Variants in ABHD16A observed in about 807,000 individuals in gnomAD.
ABHD16A encodes the protein abhydrolase domain containing 16A, phospholipase.
A neutral mutation model predicts 89.8 loss-of-function variants in ABHD16A; 47 were observed. The observed-to-expected ratio is 0.52, with a 90% CI of 0.41 to 0.67. ABHD16A has a LOEUF of 0.67. Among genes scored for constraint, ABHD16A ranks in the 30% least tolerant of loss-of-function variants. The pLI is 0.00. For missense variants in ABHD16A, 580 were observed against 734.6 expected (o/e 0.79, Z 2.43); for synonymous variants, 251 against 280.4 (o/e 0.90, Z 1.05).
At chr6:31,689,924 C>A (rs760294) in intron 11 of ABHD16A, among the ~76,000 whole-genome samples, 154 bp downstream of exon 11, 14,333 of 152,258 alleles carry the variant, frequency 0.094, 882 homozygotes, top group Admixed American at 0.17. Context: ...GGGGGCATGG[C>A]TCCCAATGCT....
chr6:31,690,546 G>A lies in ABHD16A; in HGVS notation c.900C>T (p.Pro300=), dbSNP rs143395858. The change falls in exon 10 of 20, where the codon CCC becomes CCT. Residue 300 remains proline (P), a synonymous_variant. Transcript: ENST00000395952. The surrounding 1 kb of genome is among the most constrained non-coding windows in gnomAD (Gnocchi z 4.1). ...GCTGAGTCACCGTCCTACCTTCCAG[G>A]GGCGTGGAGACGCAGCCCACCTCAT... ...GFYEVGCVST[P]LEAGYSVLGW... is the part of the protein sequence containing the mutation. 1,797 of 1,612,970 alleles carry A rather than the reference G, an allele frequency of 1.1e-3. 64 individuals carry two copies. In the East Asian group the frequency reaches 0.04, roughly 36 times the overall value.
intron 1 of ABHD16A, among the ~76,000 whole-genome samples, chr6:31,702,384 CT>C (rs1805101414): frequency 6.6e-6 from 1 of 152,174 alleles, no homozygotes; most frequent in African/African-American, 2.4e-5. Context: ...ATTTTTGCTC[CT>C]TTTCCACAGC....
In ABHD16A at chr6:31,703,230, G is replaced by C. The variant is rs758243965; in HGVS notation, c.52C>G (p.Arg18Gly). 3 of 1,440,132 alleles carry C rather than the reference G, an allele frequency of 2.1e-6. No homozygotes were observed. Among genetic ancestry groups the C allele is most frequent in the Non-Finnish European group, 2.8e-6 (3 of 1,086,536 alleles). 89.2% of individuals were successfully genotyped at this position (1,440,132 alleles called of 1,614,324 possible). Reference sequence around the variant, plus strand: ...GGGGCCCTTTCAGAGTCCCTCTCCCGGTAGATTTTGTAGAGCCGGGGGCCT... The same window carrying C: ...GGGGCCCTTTCAGAGTCCCTCTCCCCGTAGATTTTGTAGAGCCGGGGGCCT... ...VLGPRLYKIY[R>G]ERDSERAPAS... The change falls in exon 1 of 20, where the codon CGG becomes GGG. Residue 18 changes from arginine (R) to glycine (G), a missense_variant. By Grantham distance (125) the Arg-to-Gly change is moderately radical. Coordinates refer to ENST00000395952, the MANE Select transcript of ABHD16A (RefSeq NM_021160.3).
chr6:31,691,670 C>T lies in ABHD16A; in HGVS notation c.752G>A (p.Arg251His), dbSNP rs1256621115. The change falls in exon 9 of 20, where the codon CGC (arginine) becomes CAC (histidine). Residue 251 changes from arginine (R) to histidine (H), a missense_variant. Around this residue, in one of 2 missense-constraint regions of ABHD16A, gnomAD observed 415 missense variants for 568.8 expected, o/e 0.73. Coordinates refer to ENST00000395952, the MANE Select transcript of ABHD16A (RefSeq NM_021160.3). ...ATCACAGGCCAGCAGCTTTGCCCGG[C>T]GCCCATTACACTGAGTACGGAAGAC... The part of the protein sequence containing the change: ...QARLVEECNG[R>H]RAKLLACDGN... The T allele has an allele frequency of 3.1e-6, 5 of 1,612,320 alleles. No individual in the cohort carries two copies. The highest frequency in any genetic ancestry group is 1.6e-4 in the Middle Eastern group (1 of 6,082).
At chr6:31,696,899 G>C in intron 5 of ABHD16A, 49 bp downstream of exon 5, 1 of 1,548,014 alleles carries the variant, frequency 6.5e-7, no homozygotes, top group Non-Finnish European at 8.9e-7. Flanking sequence ...GGACAACTGA[G>C]AAAGCTGCTA....
At chr6:31,701,627 GTC>G (rs754472603) in intron 2 of ABHD16A, among the ~76,000 whole-genome samples, 1 of 152,130 alleles carries the variant, frequency 6.6e-6, no homozygotes, top group Non-Finnish European at 1.5e-5. Context: ...TTTAAAGGCA[GTC>G]TCTCTGTCTA....
At chr6:31,694,027 C>T (rs1031123990) in intron 5 of ABHD16A, among the ~76,000 whole-genome samples, 3 of 151,540 alleles carry the variant, frequency 2.0e-5, no homozygotes, top group Non-Finnish European at 2.9e-5. Context: ...ATCCGAACCT[C>T]GGGCCACCCC....
chr6:31,697,107 G>A, intron 4 of ABHD16A, 74 bp from the exon 5 acceptor site: 2 of 1,369,870 alleles, frequency 1.5e-6, no homozygotes, highest in Non-Finnish European at 2.1e-6. Context: ...GAAAAGAATT[G>A]GAGATGGGCT....
At chr6:31,691,990 C>A in intron 7 of ABHD16A, 72 bp from the exon 8 acceptor site, 1 of 1,211,092 alleles carries the variant, frequency 8.3e-7, no homozygotes, top group Non-Finnish European at 1.1e-6. Context: ...CCATCCCAGC[C>A]CTAGCACTCA....
chr6:31,694,720 G>A (rs146078208), intron 5 of ABHD16A, among the ~76,000 whole-genome samples: 171 of 151,958 alleles, frequency 1.1e-3, no homozygotes, highest in Admixed American at 6.8e-3. Flanking sequence ...GACTATATTC[G>A]TCCCCCACCC....
At chr6:31,701,372 TAC>T (rs3830950) in intron 2 of ABHD16A, 32 bp from the exon 3 acceptor site, 506,748 of 1,360,988 alleles carry the variant, frequency 0.37, 82,908 homozygotes, top group African/African-American at 0.58. Context: ...AGGCAATCAA[TAC>T]ACACACACAC....
chr6:31,693,280 A>T lies in ABHD16A; in HGVS notation c.503+79T>A. The T allele has an allele frequency of 6.3e-7, 1 of 1,592,970 alleles. No homozygotes were observed. Among genetic ancestry groups the T allele is most frequent in the South Asian group, 1.1e-5 (1 of 90,246 alleles). Reference sequence around the variant, plus strand: ...GGCAGGCACTGTGACCTGAGAGGGCATGGAGGTGGGAGGGCAGAGCAGAGA... The same window carrying T: ...GGCAGGCACTGTGACCTGAGAGGGCTTGGAGGTGGGAGGGCAGAGCAGAGA... On this transcript the variant is annotated intron_variant, in intron 6 of 19. Transcript: ENST00000395952. This position sits in a 1 kb window ranked among gnomAD's most constrained non-coding sequence, Gnocchi z 5.0.
At position 31,690,181 on chromosome 6, in the gene ABHD16A, CAT is replaced by C; in HGVS notation, c.908-56_908-55del. 6.7e-7 allele frequency: 1 copy of C among 1,498,116 alleles called. No individual in the cohort carries two copies. Among genetic ancestry groups the C allele is most frequent in the Non-Finnish European group, 9.0e-7 (1 of 1,110,988 alleles). 92.8% of individuals were successfully genotyped at this position (1,498,116 alleles called of 1,614,324 possible). On this transcript the variant is annotated intron_variant, in intron 10 of 19. Coordinates refer to ENST00000395952, the MANE Select transcript of ABHD16A (RefSeq NM_021160.3). The surrounding 1 kb of genome is among the most constrained non-coding windows in gnomAD (Gnocchi z 4.1). ...ACCTTGTGGCCCACAGCCCTTTCTC[CAT>C]CCCTGGGGGAAGGAAGAGCAGAAGT...
chr6:31,701,025 T>C lies in ABHD16A; in HGVS notation c.260A>G (p.Tyr87Cys), dbSNP rs369726671. Reference protein sequence around the residue: ...FAFFYLYRKGYLSLSKVVPFS... With the variant: ...FAFFYLYRKGCLSLSKVVPFS... ...CGGCACCACTTTGGACAAACTCAAG[T>C]AACCTGGGAAGGGAGAGGGACAATG... The change falls in exon 4 of 20, where the codon TAC becomes TGC. Residue 87 changes from tyrosine (Y) to cysteine (C), a missense_variant. Physicochemically the swap from Tyr to Cys is radical, Grantham distance 194. Coordinates refer to ENST00000395952, the MANE Select transcript of ABHD16A (RefSeq NM_021160.3). 16 of 1,612,742 alleles carry C rather than the reference T, an allele frequency of 9.9e-6. No individual in the cohort carries two copies. Among genetic ancestry groups the C allele is most frequent in the Non-Finnish European group, 1.4e-5 (16 of 1,179,016 alleles).
At chr6:31,702,275 C>A in intron 1 of ABHD16A, 145 bp from the exon 2 acceptor site, 1 of 786,862 alleles carries the variant, frequency 1.3e-6, no homozygotes, top group South Asian at 1.7e-5. Context: ...AGAAACTCCT[C>A]TTCCTCACCC....
rs146611378 is a variant in ABHD16A, at chr6:31,690,421, T to C, written c.907+118A>G. ...TGGCGAGTGGACTTTTCCCTAAAGC[T>C]GAGAGACTCAAAACCTCACCCAGAG... On this transcript the variant is annotated intron_variant, in intron 10 of 19. Coordinates refer to ENST00000395952, the MANE Select transcript of ABHD16A (RefSeq NM_021160.3). The surrounding 1 kb of genome is among the most constrained non-coding windows in gnomAD (Gnocchi z 4.1). 254 of 1,145,252 alleles carry C rather than the reference T, an allele frequency of 2.2e-4. 4 individuals are homozygous for C. In the East Asian group the frequency reaches 5.9e-3, roughly 26 times the overall value. 70.9% of individuals were successfully genotyped at this position (1,145,252 alleles called of 1,614,324 possible).
chr6:31,693,336 C>T lies in ABHD16A; in HGVS notation c.503+23G>A, dbSNP rs751541343. ...TGGAATGGTTCTAAGGGGAGAGATA[C>T]AGCAAAAGAACTGGGGCCTCACCGG... On this transcript the variant is annotated intron_variant, in intron 6 of 19. Transcript: ENST00000395952. The surrounding 1 kb of genome is among the most constrained non-coding windows in gnomAD (Gnocchi z 5.0). 1.9e-6 allele frequency: 3 copies of T among 1,612,594 alleles called. No homozygotes were observed.
chr6:31,701,037 G>A lies in ABHD16A; in HGVS notation c.257-9C>T, dbSNP rs763740620. On this transcript the variant is annotated splice_polypyrimidine_tract_variant and intron_variant, in intron 3 of 19. Transcript: ENST00000395952. ...GGACAAACTCAAGTAACCTGGGAAG[G>A]GAGAGGGACAATGTGAGACCCTCTC... is the stretch of plus-strand genomic sequence containing the variant. 5.6e-6 allele frequency: 9 copies of A among 1,607,960 alleles called. No homozygotes were observed. Among genetic ancestry groups the A allele is most frequent in the Non-Finnish European group, 7.7e-6 (9 of 1,174,650 alleles).
At position 31,690,510 on chromosome 6, in the gene ABHD16A, G is replaced by A. The variant is rs770786822; in HGVS notation, c.907+29C>T. ...CAGGGACATTCCCTTTCAAAGGGCG[G>A]AGATAAGGAGGCTGAGTCACCGTCC... On this transcript the variant is annotated intron_variant, in intron 10 of 19. Coordinates refer to ENST00000395952, the MANE Select transcript of ABHD16A (RefSeq NM_021160.3). The surrounding 1 kb of genome is among the most constrained non-coding windows in gnomAD (Gnocchi z 4.1). 1 of 1,611,272 alleles carries A rather than the reference G, an allele frequency of 6.2e-7. No homozygotes were observed. Among genetic ancestry groups the A allele is most frequent in the South Asian group, 1.1e-5 (1 of 91,052 alleles).
Sources: gnomAD v4.1 joint callset for allele counts (sites outside exome capture counted in the v4.1 genomes callset) on GRCh38, gnomAD v4.1.1 for gene constraint, gnomAD v4.1.1 regional missense constraint, Gnocchi (gnomAD v3.1) non-coding constraint, MANE v1.5 for transcripts, NCBI Gene and HGNC (gene_info 2026-07-23, HGNC 2026-07-21) for gene names.